TRDN: variants seen among roughly 807,000 people sequenced by gnomAD.
The protein encoded by TRDN is triadin, also known as triadin in skeletal muscle.
A neutral mutation model predicts 149.7 loss-of-function variants in TRDN; 161 were observed. The ratio of observed to expected loss-of-function variants is 1.08; its 90% CI spans 0.95 to 1.23. The LOEUF is 1.23. Ranked by LOEUF, TRDN falls within the 50% of genes most tolerant of loss-of-function variation. TRDN has a pLI of 0.00. For synonymous variants in TRDN, 294 were observed against 250.5 expected, an observed-to-expected ratio of 1.17 and a Z score of -1.64; for missense variants, 896 against 823.5, an observed-to-expected ratio of 1.09 and a Z score of -1.08.
In TRDN at chr6:123,218,545, AC is replaced by A; in HGVS notation, c.*55del. 3.2e-6 allele frequency: 5 copies of A among 1,560,398 alleles called. No individual in the cohort carries two copies. Among genetic ancestry groups the A allele is most frequent in the Non-Finnish European group, 4.3e-6 (5 of 1,153,734 alleles). On this transcript the variant is annotated 3_prime_UTR_variant, in exon 41 of 41. Transcript: ENST00000334268. ...TTCTTAATTGCCTGAACTACTGTGG[AC>A]AAAACATCACATTTTTAAAATCTTA...
chr6:123,435,109 A>G (rs1277479286), intron 12 of TRDN, among the ~76,000 whole-genome samples: 1 of 150,172 alleles, frequency 6.7e-6, no homozygotes, highest in Admixed American at 6.7e-5. Flanking sequence ...CATATAACAT[A>G]TAACTAAATG....
intron 12 of TRDN, among the ~76,000 whole-genome samples, chr6:123,417,184 A>G (rs34006654): frequency 0.11 from 17,302 of 152,192 alleles, 1,314 homozygotes; most frequent in South Asian, 0.22. Flanking sequence ...ATCTCCCTTT[A>G]TATCTGTCTC....
At chr6:123,308,919 A>T (rs1778712412) in intron 24 of TRDN, among the ~76,000 whole-genome samples, 2 of 152,062 alleles carry the variant, frequency 1.3e-5, no homozygotes, top group Non-Finnish European at 2.9e-5. Context: ...TTAAAACTTA[A>T]AAAATCATTT....
chr6:123,219,474 T>C (rs141452728), intron 40 of TRDN, among the ~76,000 whole-genome samples: 272 of 151,842 alleles, frequency 1.8e-3, no homozygotes, highest in African/African-American at 6.3e-3. Context: ...CAACCAGCCA[T>C]AGATTTTTGC....
intron 12 of TRDN, among the ~76,000 whole-genome samples, chr6:123,397,668 G>T (rs1296218109): frequency 1.3e-5 from 2 of 152,178 alleles, no homozygotes; most frequent in African/African-American, 4.8e-5. Flanking sequence ...GTGTTATTCA[G>T]AAAGTGTATT....
intron 2 of TRDN, among the ~76,000 whole-genome samples, chr6:123,551,102 CTTCT>C (rs1424016789): frequency 6.6e-6 from 1 of 150,524 alleles, no homozygotes; most frequent in Admixed American, 6.7e-5. Flanking sequence ...CTCCATTTCC[CTTCT>C]TTCTAAGTGT....
At chr6:123,540,915 GC>G (rs1459012877) in intron 4 of TRDN, among the ~76,000 whole-genome samples, 3 of 152,110 alleles carry the variant, frequency 2.0e-5, no homozygotes, top group Admixed American at 6.5e-5. Flanking sequence ...TTTCTGTTAT[GC>G]TTTTTTTGTT....
chr6:123,432,511 A>G (rs1774374988), intron 12 of TRDN, among the ~76,000 whole-genome samples: 1 of 151,962 alleles, frequency 6.6e-6, no homozygotes, highest in Non-Finnish European at 1.5e-5. Flanking sequence ...TTCTGCTTAT[A>G]TATTCTGTCC....
chr6:123,407,490 C>A (rs1020192875), intron 12 of TRDN, among the ~76,000 whole-genome samples: 6 of 152,116 alleles, frequency 3.9e-5, no homozygotes, highest in Non-Finnish European at 5.9e-5. Context: ...CCAGGACTTT[C>A]TTAAGGCATC....
At chr6:123,585,268 A>G (rs900116576) in intron 1 of TRDN, among the ~76,000 whole-genome samples, 35 of 151,744 alleles carry the variant, frequency 2.3e-4, no homozygotes, top group Non-Finnish European at 4.1e-4. Context: ...TCTCGGCCTA[A>G]TAGGGAACTG....
intron 24 of TRDN, among the ~76,000 whole-genome samples, chr6:123,314,127 A>G (rs1778934021): frequency 6.6e-6 from 1 of 152,144 alleles, no homozygotes; most frequent in African/African-American, 2.4e-5. Context: ...TCCAGCATCT[A>G]TAAGGAATTT....
chr6:123,499,719 A>AAAAAAAAAAAAAATATAT, intron 8 of TRDN, among the ~76,000 whole-genome samples: 5 of 47,676 alleles, frequency 1.0e-4, no homozygotes, highest in Admixed American at 3.0e-4. Context: ...AAAAAAAAAA[A>AAAAAAAAAAAAAATATAT]ATATATATAT....
chr6:123,387,755 GA>G (rs1781962066), intron 14 of TRDN, among the ~76,000 whole-genome samples: 1 of 152,128 alleles, frequency 6.6e-6, no homozygotes, highest in Admixed American at 6.5e-5. Flanking sequence ...CACAAATAAA[GA>G]ACTGGATCCT....
At chr6:123,219,956 C>T (rs1316586824) in intron 40 of TRDN, among the ~76,000 whole-genome samples, 1 of 151,760 alleles carries the variant, frequency 6.6e-6, no homozygotes, top group Admixed American at 6.6e-5. Flanking sequence ...TGTTTTGACA[C>T]ATTTATTTAA....
At chr6:123,381,247 A>G (rs1781708975) in intron 16 of TRDN, 123 bp downstream of exon 16, 2 of 875,296 alleles carry the variant, frequency 2.3e-6, no homozygotes, top group African/African-American at 1.7e-5. Context: ...ACAAAAAACA[A>G]CAGAGTTCAC....
chr6:123,243,635 T>C (rs1055226358), intron 38 of TRDN, among the ~76,000 whole-genome samples: 4 of 151,776 alleles, frequency 2.6e-5, no homozygotes, highest in Non-Finnish European at 5.9e-5. Context: ...ATTGATAAAA[T>C]ACAAAACACA....
At chr6:123,493,042 G>A (rs913153988) in intron 9 of TRDN, among the ~76,000 whole-genome samples, 1 of 152,064 alleles carries the variant, frequency 6.6e-6, no homozygotes, top group African/African-American at 2.4e-5. Flanking sequence ...TCAATATGAA[G>A]ATGTTAGTTC....
chr6:123,400,600 C>A (rs565579467), intron 12 of TRDN, among the ~76,000 whole-genome samples: 2 of 152,116 alleles, frequency 1.3e-5, no homozygotes, highest in African/African-American at 2.4e-5. Flanking sequence ...TCACCCTCTG[C>A]TGTGCAGCCT....
intron 24 of TRDN, among the ~76,000 whole-genome samples, chr6:123,281,718 A>G (rs1582817566): frequency 6.6e-6 from 1 of 152,172 alleles, no homozygotes; most frequent in East Asian, 1.9e-4. Context: ...GCTATTTATA[A>G]AACCAAGTTG....
Sources: allele counts gnomAD v4.1 joint callset (sites outside exome capture counted in the v4.1 genomes callset), GRCh38; gene constraint gnomAD v4.1.1; transcripts MANE v1.5; gene names NCBI Gene and HGNC (gene_info 2026-07-23, HGNC 2026-07-21).